ACOT12: variants seen among roughly 807,000 people sequenced by gnomAD.
The protein encoded by ACOT12 is acetyl-coenzyme A thioesterase.
ACOT12 carries 51 observed loss-of-function variants against 67.7 expected under a neutral mutation model. That is an observed-to-expected ratio of 0.75 (90% CI 0.60 to 0.95). The LOEUF (loss-of-function observed/expected upper bound fraction) is 0.95. ACOT12 is among the 40% of genes least tolerant of loss of function. The pLI, the probability that ACOT12 is intolerant of heterozygous loss-of-function variation, is 0.00. For synonymous variants in ACOT12, 251 were observed against 244.6 expected, an observed-to-expected ratio of 1.03 and a Z score of -0.24; for missense variants, 734 against 708.1, an observed-to-expected ratio of 1.04 and a Z score of -0.41.
chr5:81,379,594 C>G (rs1760520781), intron 2 of ACOT12, among the ~76,000 whole-genome samples: 1 of 152,110 alleles, frequency 6.6e-6, no homozygotes, highest in Non-Finnish European at 1.5e-5. Context: ...TCATTCCCAT[C>G]AGGAAACGGC....
intron 1 of ACOT12, among the ~76,000 whole-genome samples, chr5:81,390,886 C>T (rs1256160991): frequency 6.6e-6 from 1 of 152,192 alleles, no homozygotes; most frequent in African/African-American, 2.4e-5. Context: ...AGGGATGAAT[C>T]TCCATTGATC....
chr5:81,321,175 G>C, the ACOT12 span, among the ~76,000 whole-genome samples: 3 of 152,190 alleles, frequency 2.0e-5, no homozygotes, highest in African/African-American at 7.2e-5. Context: ...AGGATTGCTT[G>C]AGCCTAGGAG....
intron 2 of ACOT12, among the ~76,000 whole-genome samples, chr5:81,373,467 C>T (rs1760316187): frequency 6.6e-6 from 1 of 152,176 alleles, no homozygotes; most frequent in Non-Finnish European, 1.5e-5. Flanking sequence ...GAGCTAGCTG[C>T]AGGAGTGTTT....
Position 81,336,019 on chromosome 5 carries a change from G to A in ACOT12, c.1129-118C>T, listed in dbSNP as rs1055291673. On this transcript the variant is annotated intron_variant, in intron 11 of 14. Coordinates refer to ENST00000307624, the MANE Select transcript of ACOT12 (RefSeq NM_130767.3). ...CACTAACTAAGGCATCTTATTTCCT[G>A]GATGAAATTGAAGCCCCATGGCAAT... is the stretch of plus-strand genomic sequence containing the variant. The A allele has an allele frequency of 6.3e-6, 7 of 1,116,960 alleles. No individual in the cohort carries two copies. In the African/African-American group the frequency reaches 1.2e-4, roughly 19 times the overall value. 69.2% of individuals were successfully genotyped at this position (1,116,960 alleles called of 1,614,324 possible).
At chr5:81,324,480 T>A in the ACOT12 span, among the ~76,000 whole-genome samples, 6 of 152,172 alleles carry the variant, frequency 3.9e-5, no homozygotes, top group African/African-American at 1.4e-4. Flanking sequence ...TACTTAAGTA[T>A]ACAAGCATGA....
intron 1 of ACOT12, among the ~76,000 whole-genome samples, chr5:81,392,089 AG>A (rs1760882303): frequency 6.6e-6 from 1 of 152,208 alleles, no homozygotes; most frequent in Non-Finnish European, 1.5e-5. Context: ...GACAGAAGTA[AG>A]GATAGTGAGA....
intron 11 of ACOT12, 60 bp downstream of exon 11, chr5:81,342,612 C>T: frequency 6.4e-7 from 1 of 1,550,672 alleles, no homozygotes; most frequent in East Asian, 2.2e-5. Flanking sequence ...AGAACCACCA[C>T]CACCACAGCT....
Position 81,347,784 on chromosome 5 carries a change from T to C in ACOT12, c.643A>G (p.Ile215Val), listed in dbSNP as rs757009824. ...IMAWMETVAT[I>V]SASRLCWAHP... is the part of the protein sequence containing the mutation. ...GTCAAAACCAAGAACCTTGCAGAAA[T>C]AGTAGCCACTGTCTCCATCCACGCC... The change falls in exon 6 of 15, where the codon ATT (isoleucine) becomes GTT (valine). Residue 215 changes from isoleucine (I) to valine (V), a missense_variant. Transcript: ENST00000307624. The C allele has an allele frequency of 1.9e-6, 3 of 1,613,726 alleles. No individual in the cohort carries two copies. The Admixed American group carries it at 5.0e-5, about 27-fold the overall frequency.
chr5:81,347,916 CATCAAAA>C lies in ACOT12; in HGVS notation c.504_510del (p.Ile168MetfsTer58). 6.2e-7 allele frequency: 1 copy of C among 1,613,152 alleles called. No individual in the cohort carries two copies. ...CTTGTGGAAACCGCTCCTTCCTCTTCATCAAAAATGAGATCTGAAAGGTGGATGTAAA... is the reference window on the plus strand; with the variant it reads ...CTTGTGGAAACCGCTCCTTCCTCTTCATGAGATCTGAAAGGTGGATGTAAA... On this transcript the variant is annotated frameshift_variant, in exon 6 of 15. Coordinates refer to ENST00000307624, the MANE Select transcript of ACOT12 (RefSeq NM_130767.3). LOFTEE classifies it high-confidence loss of function.
Position 81,330,592 on chromosome 5 carries a change from C to CT in ACOT12, c.1519-50dup. On this transcript the variant is annotated intron_variant, in intron 14 of 14. Transcript: ENST00000307624. ...ATTTTAATTTCTTATTGACTTGGAG[C>CT]TTTTTCAAGAAAGGATCTGAGTCTT... The CT allele has an allele frequency of 2.5e-6, 4 of 1,593,812 alleles. No homozygotes were observed. The South Asian group carries it at 3.4e-5, about 13-fold the overall frequency.
downstream of ACOT12, among the ~76,000 whole-genome samples, chr5:81,327,182 TAC>T (rs199606291): frequency 3.8e-4 from 55 of 143,552 alleles, no homozygotes; most frequent in African/African-American, 1.4e-3. Context: ...TATATATATA[TAC>T]ACACACATAT....
At position 81,389,851 on chromosome 5, in the gene ACOT12, A is replaced by T. The variant is rs1019958119; in HGVS notation, c.128-4025T>A. Reference sequence around the variant, plus strand: ...CTGTATTAGTTTTTCTTGATGTTCTATGACCTTGAATCTGTAATTGTATGT... The same window carrying T: ...CTGTATTAGTTTTTCTTGATGTTCTTTGACCTTGAATCTGTAATTGTATGT... On this transcript the variant is annotated intron_variant, in intron 1 of 14. Transcript: ENST00000307624. Among the ~76,000 whole-genome samples, 3 of 151,184 alleles carry T rather than the reference A, an allele frequency of 2.0e-5. No homozygotes were observed. In the South Asian group the frequency reaches 6.4e-4, roughly 32 times the overall value.
At chr5:81,328,018 G>T (rs1024816447), downstream of ACOT12, among the ~76,000 whole-genome samples, 1 of 152,130 alleles carries the variant, frequency 6.6e-6, no homozygotes, top group Non-Finnish European at 1.5e-5. Flanking sequence ...CTTTAATTCA[G>T]CTGTCTTTAA....
At chr5:81,362,986 C>T (rs1156254741) in intron 4 of ACOT12, among the ~76,000 whole-genome samples, 1 of 152,156 alleles carries the variant, frequency 6.6e-6, no homozygotes, top group Non-Finnish European at 1.5e-5. Context: ...GGCAGATCAC[C>T]TGTGGTCAGG....
At chr5:81,332,627 A>C (rs1327678072) in intron 12 of ACOT12, 22 bp from the exon 13 acceptor site, 1 of 1,613,134 alleles carries the variant, frequency 6.2e-7, no homozygotes, top group Admixed American at 1.7e-5. Flanking sequence ...GAACAGTGAA[A>C]AGCAGGTATA....
chr5:81,314,923 C>T, the ACOT12 span, among the ~76,000 whole-genome samples: 2 of 152,080 alleles, frequency 1.3e-5, no homozygotes, highest in African/African-American at 2.4e-5. Flanking sequence ...GCGATCCTCC[C>T]GCCTCAGCCT....
At chr5:81,345,720 C>T (rs1759358276) in intron 7 of ACOT12, among the ~76,000 whole-genome samples, 165 bp downstream of exon 7, 2 of 151,514 alleles carry the variant, frequency 1.3e-5, no homozygotes, top group African/African-American at 2.4e-5. Flanking sequence ...GTGAAAAGGC[C>T]CCAAGCAGAA....
the ACOT12 span, chr5:81,309,113 A>C: frequency 9.0e-7 from 1 of 1,115,732 alleles, no homozygotes. Flanking sequence ...ACTCAATCAC[A>C]GTTCTTGAAT....
Position 81,332,611 on chromosome 5 carries a change from T to C in ACOT12, c.1263-6A>G. The C allele has an allele frequency of 6.2e-7, 1 of 1,613,804 alleles. No homozygotes were observed. The highest frequency in any genetic ancestry group is 8.5e-7 in the Non-Finnish European group (1 of 1,179,886). ...AGTCTATGACTTCACAGGACCTGTGTATATAGAACAGTGAAAAGCAGGTAT... is the reference window on the plus strand; with the variant it reads ...AGTCTATGACTTCACAGGACCTGTGCATATAGAACAGTGAAAAGCAGGTAT... On this transcript the variant is annotated splice_region_variant and splice_polypyrimidine_tract_variant and intron_variant, in intron 12 of 14. Transcript: ENST00000307624.
Sources: gnomAD v4.1 joint callset for allele counts (sites outside exome capture counted in the v4.1 genomes callset) on GRCh38, gnomAD v4.1.1 for gene constraint, MANE v1.5 for transcripts, NCBI Gene and HGNC (gene_info 2026-07-23, HGNC 2026-07-21) for gene names.